The following DBNL variants were observed in gnomAD, a reference collection of about 807,000 sequenced individuals.
DBNL encodes drebrin-like protein.
A neutral mutation model predicts 62.2 loss-of-function variants in DBNL; 35 were observed. That is an observed-to-expected ratio of 0.56 (90% CI 0.43 to 0.75). The LOEUF is 0.75. Among genes scored for constraint, DBNL ranks in the 30% least tolerant of loss-of-function variants. The pLI, the probability that DBNL is intolerant of heterozygous loss-of-function variation, is 0.00. For missense variants in DBNL, 495 were observed against 578.4 expected, an observed-to-expected ratio of 0.86 and a Z score of 1.48; for synonymous variants, 197 against 218.0, an observed-to-expected ratio of 0.90 and a Z score of 0.85.
chr7:44,044,708 A>G lies in DBNL; in HGVS notation c.-30A>G, dbSNP rs1233818274. ...CGGCCCGGCCCGGCCCGGAAGCTACAGCAGCGGCGCGGAGACTGCGGGGCG... is the reference window on the plus strand; with the variant it reads ...CGGCCCGGCCCGGCCCGGAAGCTACGGCAGCGGCGCGGAGACTGCGGGGCG... On this transcript the variant is annotated 5_prime_UTR_variant, in exon 1 of 13. Transcript: ENST00000448521. 9 of 1,472,250 alleles carry G rather than the reference A, an allele frequency of 6.1e-6. No individual in the cohort carries two copies. The highest frequency in any genetic ancestry group is 2.9e-5 in the East Asian group (1 of 34,884). 91.2% of individuals were successfully genotyped at this position (1,472,250 alleles called of 1,614,324 possible). A position where few individuals can be genotyped will look rare whatever the true frequency, so the allele number is the denominator to read the frequency against.
At position 44,059,081 on chromosome 7, in the gene DBNL, C is replaced by T. The variant is rs1237320068; in HGVS notation, c.835+98C>T. The T allele has an allele frequency of 3.0e-6, 4 of 1,320,422 alleles. No individual in the cohort carries two copies. Among genetic ancestry groups the T allele is most frequent in the East Asian group, 2.4e-5 (1 of 42,052 alleles). 81.8% of individuals were successfully genotyped at this position (1,320,422 alleles called of 1,614,324 possible). On this transcript the variant is annotated intron_variant, in intron 9 of 12. Coordinates refer to ENST00000448521, the MANE Select transcript of DBNL (RefSeq NM_001014436.3). The surrounding 1 kb of genome is among the most constrained non-coding windows in gnomAD (Gnocchi z 4.1). ...CCCCCAAGGCTAGTGACAGATATAT[C>T]GGTGACGGGTGAGTGAGTGAGGAGA...
intron 1 of DBNL, among the ~76,000 whole-genome samples, chr7:44,049,587 A>G (rs2096123030): frequency 1.3e-5 from 2 of 152,220 alleles, no homozygotes; most frequent in Non-Finnish European, 2.9e-5. Context: ...GGGGCTTGGC[A>G]GGTTCATGGC....
In DBNL at chr7:44,050,292, TC is replaced by T. The variant is rs751635828; in HGVS notation, c.139+14del. The T allele has an allele frequency of 2.5e-6, 4 of 1,613,390 alleles. No individual in the cohort carries two copies. The East Asian group carries it at 8.9e-5, about 36-fold the overall frequency. On this transcript the variant is annotated intron_variant, in intron 2 of 12. Transcript: ENST00000448521. Reference sequence around the variant, plus strand: ...GGCTGGCACAGGGGGTGAGTATGACTCCAAATGGACTCAGGGACACCAGGAG... The same window carrying T: ...GGCTGGCACAGGGGGTGAGTATGACTCAAATGGACTCAGGGACACCAGGAG...
chr7:44,052,807 C>T (rs897212954), intron 3 of DBNL, 60 bp from the exon 4 acceptor site: 2 of 1,600,402 alleles, frequency 1.2e-6, no homozygotes, highest in Admixed American at 3.4e-5. Flanking sequence ...GTTGGGTCCC[C>T]AGGGAAGGGA....
At position 44,058,497 on chromosome 7, in the gene DBNL, C is replaced by G; in HGVS notation, c.753+17C>G. ...AATGAGCAGGTAAGATGGGGGTGCT[C>G]TACTTGTTTGGACCTGTCCTGGCCA... On this transcript the variant is annotated intron_variant, in intron 8 of 12. Transcript: ENST00000448521. 1 of 1,613,786 alleles carries G rather than the reference C, an allele frequency of 6.2e-7. No homozygotes were observed. The highest frequency in any genetic ancestry group is 8.5e-7 in the Non-Finnish European group (1 of 1,179,892).
chr7:44,063,037 A>C lies in DBNL; in HGVS notation c.*2121A>C. The C allele has an allele frequency of 8.4e-7, 1 of 1,195,296 alleles. No homozygotes were observed. Among genetic ancestry groups the C allele is most frequent in the Non-Finnish European group, 1.2e-6 (1 of 805,836 alleles). The allele number at this position is 1,195,296 out of a possible 1,614,324, so 74.0% of individuals were successfully genotyped here. A position where few individuals can be genotyped will look rare whatever the true frequency, so the allele number is the denominator to read the frequency against. On this transcript the variant is annotated 3_prime_UTR_variant, in exon 13 of 13. Coordinates refer to ENST00000448521, the MANE Select transcript of DBNL (RefSeq NM_001014436.3). ...CACAGAGCCAGTTCCCCTGGCACCA[A>C]TTCCTTCCCAGCCCTGAGAACGAGG...
intron 2 of DBNL, chr7:44,050,618 C>T (rs1179785820): frequency 3.7e-6 from 1 of 266,758 alleles, no homozygotes. Context: ...AGTCCACAGA[C>T]ATATCTTCTT....
At position 44,065,092 on chromosome 7, in the gene DBNL, G is replaced by A. The variant is rs761528565; in HGVS notation, c.*4176G>A. ...CTCCCCACTCTGCAGCTTCCCAGAG[G>A]CCTTCCCAGCAAAGGCAGCCCACCT... is the stretch of plus-strand genomic sequence containing the variant. On this transcript the variant is annotated 3_prime_UTR_variant, in exon 13 of 13. Coordinates refer to ENST00000448521, the MANE Select transcript of DBNL (RefSeq NM_001014436.3). The A allele has an allele frequency of 7.4e-6, 12 of 1,612,910 alleles. No homozygotes were observed. The highest frequency in any genetic ancestry group is 3.3e-5 in the Admixed American group (2 of 59,998).
At chr7:44,051,797 C>A in intron 2 of DBNL, 33 bp from the exon 3 acceptor site, 1 of 1,600,678 alleles carries the variant, frequency 6.2e-7, no homozygotes. Flanking sequence ...AATGTCAGGG[C>A]CACCCCTGAC....
chr7:44,065,202 C>G lies in DBNL; in HGVS notation c.*4286C>G. The G allele has an allele frequency of 6.2e-7, 1 of 1,614,138 alleles. No homozygotes were observed. The highest frequency in any genetic ancestry group is 1.1e-5 in the South Asian group (1 of 91,088). On this transcript the variant is annotated 3_prime_UTR_variant, in exon 13 of 13. Coordinates refer to ENST00000448521, the MANE Select transcript of DBNL (RefSeq NM_001014436.3). ...GAGCGCCTCCAGATCTTCACCTGCT[C>G]CTCCCCGTGCTTGGCGGCCGTTTCT...
In DBNL at chr7:44,069,066, G is replaced by T. The variant is rs150104524; in HGVS notation, c.*8150G>T. 1 of 3,920 alleles carries T rather than the reference G, an allele frequency of 2.6e-4. No individual in the cohort carries two copies. Among genetic ancestry groups the T allele is most frequent in the Non-Finnish European group, 6.9e-4 (1 of 1,450 alleles). The allele number at this position is 3,920 out of a possible 1,614,324, so 0.2% of individuals were successfully genotyped here. On this transcript the variant is annotated 3_prime_UTR_variant, in exon 13 of 13. Coordinates refer to ENST00000448521, the MANE Select transcript of DBNL (RefSeq NM_001014436.3). ...AAATTTCTATTTTACTGGAATAAAA[G>T]AATGAAATAAAGACATTCTCAAATG...
At chr7:44,057,373 G>A (rs927263048) in intron 5 of DBNL, among the ~76,000 whole-genome samples, 2 of 152,206 alleles carry the variant, frequency 1.3e-5, no homozygotes, top group Non-Finnish European at 2.9e-5. Flanking sequence ...GCGTCCGCAT[G>A]CGTGTGGTTG....
chr7:44,058,320 G>T (rs770522281), intron 7 of DBNL, 40 bp downstream of exon 7: 1 of 1,588,246 alleles, frequency 6.3e-7, no homozygotes, highest in Admixed American at 1.7e-5. Flanking sequence ...GACCCACCCT[G>T]AGGCATTGCT....
chr7:44,062,794 C>T lies in DBNL; in HGVS notation c.*1878C>T. The T allele has an allele frequency of 6.8e-6, 11 of 1,614,242 alleles. No individual in the cohort carries two copies. Among genetic ancestry groups the T allele is most frequent in the Non-Finnish European group, 9.3e-6 (11 of 1,180,058 alleles). Reference sequence around the variant, plus strand: ...TGGCCTTGCCCTGGGCAGCCACAGCCTCCATGGCCTTCCGCACCGTTTCCT... The same window carrying T: ...TGGCCTTGCCCTGGGCAGCCACAGCTTCCATGGCCTTCCGCACCGTTTCCT... On this transcript the variant is annotated 3_prime_UTR_variant, in exon 13 of 13. Transcript: ENST00000448521.
In DBNL at chr7:44,063,277, TTTTC is replaced by T. The variant is rs1329611346; in HGVS notation, c.*2365_*2368del. ...ACTCACCCTTTGTTTTTTTTTTTTC[TTTTC>T]TTTTTCTTTTTCTTTTTTTTGAGAT... On this transcript the variant is annotated 3_prime_UTR_variant, in exon 13 of 13. Transcript: ENST00000448521. 2.5e-5 allele frequency: 8 copies of T among 317,984 alleles called. No individual in the cohort carries two copies. The highest frequency in any genetic ancestry group is 1.1e-3 in the Middle Eastern group (1 of 924). 19.7% of individuals were successfully genotyped at this position (317,984 alleles called of 1,614,324 possible).
intron 4 of DBNL, among the ~76,000 whole-genome samples, chr7:44,053,668 G>A (rs1401282324): frequency 6.6e-6 from 1 of 151,624 alleles, no homozygotes; most frequent in African/African-American, 2.4e-5. Flanking sequence ...AAATTCTCCA[G>A]AATCTGAATT....
At position 44,066,579 on chromosome 7, in the gene DBNL, G is replaced by A. The variant is rs2096160479; in HGVS notation, c.*5663G>A. On this transcript the variant is annotated 3_prime_UTR_variant, in exon 13 of 13. Transcript: ENST00000448521. Reference sequence around the variant, plus strand: ...CCACACTGTCACCTGCGACACTTCTGATAACAGGAGCGGGTAGGTGAGAGG... The same window carrying A: ...CCACACTGTCACCTGCGACACTTCTAATAACAGGAGCGGGTAGGTGAGAGG... The A allele has an allele frequency of 6.6e-6, 1 of 152,348 alleles. No individual in the cohort carries two copies. Among genetic ancestry groups the A allele is most frequent in the African/African-American group, 2.4e-5 (1 of 41,470 alleles). The allele number at this position is 152,348 out of a possible 1,614,324, so 9.4% of individuals were successfully genotyped here.
In DBNL at chr7:44,058,234, C is replaced by T. The variant is rs543782312; in HGVS notation, c.658C>T (p.Arg220Trp). ...GCGTGAGCTGCGTGAGGCTGCACGC[C>T]GGGAGCAGCGCTATCAGGAGCAGGG... The part of the protein sequence containing the change: ...RERELREAAR[R>W]EQRYQEQGGE... Residue 220 changes from arginine (R) to tryptophan (W), a missense_variant, in exon 7 of 13, where the codon CGG becomes TGG. Physicochemically the swap from Arg to Trp is moderately radical, Grantham distance 101 (BLOSUM62 -3). Coordinates refer to ENST00000448521, the MANE Select transcript of DBNL (RefSeq NM_001014436.3). 30 of 1,576,890 alleles carry T rather than the reference C, an allele frequency of 1.9e-5. No individual in the cohort carries two copies. Among genetic ancestry groups the T allele is most frequent in the South Asian group, 8.1e-5 (7 of 86,346 alleles).
At chr7:44,046,398 C>T (rs1237665710) in intron 1 of DBNL, among the ~76,000 whole-genome samples, 3 of 152,190 alleles carry the variant, frequency 2.0e-5, no homozygotes, top group Non-Finnish European at 2.9e-5. Context: ...GCCTCCCAGC[C>T]CACCTGGCAG....
Sources: allele counts gnomAD v4.1 joint callset (sites outside exome capture counted in the v4.1 genomes callset), GRCh38; gene constraint gnomAD v4.1.1; non-coding constraint Gnocchi (gnomAD v3.1); transcripts MANE v1.5; gene names NCBI Gene and HGNC (gene_info 2026-07-23, HGNC 2026-07-21).